Variants in GRIA2 observed in about 807,000 individuals in gnomAD.
The protein encoded by GRIA2 is glutamate receptor 2.
A neutral mutation model predicts 97.3 loss-of-function variants in GRIA2; 14 were observed. The ratio of observed to expected loss-of-function variants is 0.14; its 90% CI spans 0.10 to 0.23. GRIA2 has a LOEUF of 0.23. Among genes scored for constraint, GRIA2 ranks in the 10% least tolerant of loss-of-function variants. The pLI, the probability that GRIA2 is intolerant of heterozygous loss-of-function variation, is 1.00. For synonymous variants in GRIA2, 412 were observed against 387.8 expected (o/e 1.06, Z -0.73); for missense variants, 558 against 1,069.8 (o/e 0.52, Z 6.67).
intron 6 of GRIA2, among the ~76,000 whole-genome samples, chr4:157,322,974 AAAG>A (rs1467068697): frequency 2.0e-5 from 3 of 152,190 alleles, no homozygotes; most frequent in East Asian, 1.9e-4. Context: ...ATAGGATTTT[AAAG>A]AAGAACACCA....
chr4:157,298,504 T>G (rs193153853), intron 2 of GRIA2, among the ~76,000 whole-genome samples: 52 of 150,380 alleles, frequency 3.5e-4, no homozygotes, highest in African/African-American at 1.1e-3. Flanking sequence ...CAGAATAAAA[T>G]AAAACATTTT....
rs189743207 is a variant in GRIA2 at position 157,267,338 on chromosome 4, G to A, written c.230-36214G>A. Among the ~76,000 whole-genome samples the A allele has an allele frequency of 8.7e-4, 128 of 146,318 alleles. 1 individual carries two copies. The highest frequency in any genetic ancestry group is 1.4e-3 in the Non-Finnish European group (97 of 67,244). On this transcript the variant is annotated intron_variant, in intron 2 of 15. Transcript: ENST00000264426. ...ACTCAGGAGGCTGAGGTTACAGTGA[G>A]CTGAGATCACACCACTGCACTCCAG...
At chr4:157,279,777 T>C (rs1732510654) in intron 2 of GRIA2, among the ~76,000 whole-genome samples, 1 of 152,152 alleles carries the variant, frequency 6.6e-6, no homozygotes, top group Admixed American at 6.6e-5. Context: ...TCTGATGCCT[T>C]GTATCATCAT....
intron 2 of GRIA2, among the ~76,000 whole-genome samples, chr4:157,299,242 T>C (rs1579343239): frequency 6.6e-6 from 1 of 152,028 alleles, no homozygotes; most frequent in Admixed American, 6.6e-5. Context: ...TACTAACAGA[T>C]GATAGGGAAA....
At chr4:157,261,525 A>T (rs1731533983) in intron 2 of GRIA2, among the ~76,000 whole-genome samples, 1 of 152,134 alleles carries the variant, frequency 6.6e-6, no homozygotes, top group Non-Finnish European at 1.5e-5. Flanking sequence ...CAGACTCAGA[A>T]ATTAAGTAAC....
At chr4:157,271,806 T>C (rs1317593010) in intron 2 of GRIA2, among the ~76,000 whole-genome samples, 1 of 152,134 alleles carries the variant, frequency 6.6e-6, no homozygotes, top group South Asian at 2.1e-4. Context: ...CAGCTATCTG[T>C]CAACTCATTT....
At chr4:157,239,877 G>A (rs889155744) in intron 2 of GRIA2, among the ~76,000 whole-genome samples, 76 of 151,828 alleles carry the variant, frequency 5.0e-4, no homozygotes, top group African/African-American at 1.8e-3. Context: ...TATACATTAT[G>A]TGGTTTTAAA....
intron 2 of GRIA2, among the ~76,000 whole-genome samples, chr4:157,222,249 C>T (rs982994114): frequency 1.3e-5 from 2 of 152,176 alleles, no homozygotes; most frequent in African/African-American, 4.8e-5. Context: ...ACTGCCGGAG[C>T]CCAGTGGCCT....
At chr4:157,280,966 T>G (rs1732566752) in intron 2 of GRIA2, among the ~76,000 whole-genome samples, 1 of 151,874 alleles carries the variant, frequency 6.6e-6, no homozygotes, top group African/African-American at 2.4e-5. Flanking sequence ...AAAATCTCAT[T>G]CAATTAACAG....
At chr4:157,241,875 C>G (rs1328784551) in intron 2 of GRIA2, among the ~76,000 whole-genome samples, 1 of 152,010 alleles carries the variant, frequency 6.6e-6, no homozygotes, top group African/African-American at 2.4e-5. Context: ...TAACACTGAG[C>G]ATTAGAATAA....
intron 2 of GRIA2, among the ~76,000 whole-genome samples, chr4:157,264,459 A>C (rs1280019792): frequency 1.3e-5 from 2 of 151,976 alleles, no homozygotes; most frequent in Non-Finnish European, 2.9e-5. Flanking sequence ...CCTTCTTTTG[A>C]ATTCCTCTTT....
chr4:157,346,084 A>C (rs922414133), intron 12 of GRIA2, among the ~76,000 whole-genome samples: 1 of 152,134 alleles, frequency 6.6e-6, no homozygotes, highest in Non-Finnish European at 1.5e-5. Context: ...CTACTATATA[A>C]TCAATATTAC....
At chr4:157,231,275 G>T (rs951210566) in intron 2 of GRIA2, among the ~76,000 whole-genome samples, 1 of 152,156 alleles carries the variant, frequency 6.6e-6, no homozygotes, top group Non-Finnish European at 1.5e-5. Context: ...CTGATCTCAG[G>T]CAATCCGCCC....
At chr4:157,353,221 G>A (rs551915736) in intron 12 of GRIA2, among the ~76,000 whole-genome samples, 63 of 151,952 alleles carry the variant, frequency 4.1e-4, no homozygotes, top group Non-Finnish European at 6.8e-4. Flanking sequence ...GCGTGGTGGC[G>A]CATGCCTGTA....
chr4:157,303,298 A>C (rs892645952), intron 2 of GRIA2, among the ~76,000 whole-genome samples: 7 of 152,200 alleles, frequency 4.6e-5, no homozygotes, highest in Admixed American at 2.6e-4. Flanking sequence ...TAATACTTAC[A>C]TAGCTTGTTA....
At chr4:157,331,183 G>A (rs1222401414) in intron 6 of GRIA2, among the ~76,000 whole-genome samples, 1 of 151,892 alleles carries the variant, frequency 6.6e-6, no homozygotes, top group Non-Finnish European at 1.5e-5. Context: ...ATTTGAAAAA[G>A]GTTGAAAGGA....
intron 2 of GRIA2, among the ~76,000 whole-genome samples, chr4:157,302,457 G>A (rs1232772926): frequency 6.6e-6 from 1 of 152,096 alleles, no homozygotes; most frequent in Non-Finnish European, 1.5e-5. Flanking sequence ...TTAAGAGCAT[G>A]GATTCTGAAT....
chr4:157,298,247 G>A (rs1205544078), intron 2 of GRIA2, among the ~76,000 whole-genome samples: 1 of 152,132 alleles, frequency 6.6e-6, no homozygotes, highest in African/African-American at 2.4e-5. Context: ...CTTCATATAA[G>A]TGGGGAACTT....
chr4:157,233,874 T>C (rs545333671), intron 2 of GRIA2, among the ~76,000 whole-genome samples: 1 of 152,230 alleles, frequency 6.6e-6, no homozygotes, highest in Non-Finnish European at 1.5e-5. Flanking sequence ...ATTGTTATTA[T>C]ACCCATTTAC....
Sources: allele counts gnomAD v4.1 joint callset (sites outside exome capture counted in the v4.1 genomes callset), GRCh38; gene constraint gnomAD v4.1.1; transcripts MANE v1.5; gene names NCBI Gene and HGNC (gene_info 2026-07-23, HGNC 2026-07-21).